The following ATP6V0D1 variants were observed in gnomAD, a reference collection of about 807,000 sequenced individuals.
ATP6V0D1 encodes ATPase H+ transporting V0 subunit d1.
ATP6V0D1 carries 13 observed loss-of-function variants against 39.0 expected under a neutral mutation model. The ratio of observed to expected loss-of-function variants is 0.33; its 90% confidence interval spans 0.22 to 0.53. The LOEUF (loss-of-function observed/expected upper bound fraction) is 0.53, where lower values mean the gene tolerates loss of function less well. ATP6V0D1 is among the 20% of genes least tolerant of loss of function. The pLI is 0.94. For missense variants in ATP6V0D1, 272 were observed against 470.9 expected, an observed-to-expected ratio of 0.58 and a Z score of 3.91; for synonymous variants, 191 against 191.2, an observed-to-expected ratio of 1.00 and a Z score of 0.01.
chr16:67,471,801 T>G (rs1482419226), intron 1 of ATP6V0D1, among the ~76,000 whole-genome samples: 1 of 151,200 alleles, frequency 6.6e-6, no homozygotes. Context: ...CCTCCCATAT[T>G]ATTATTTTTT....
At chr16:67,439,406 C>G in intron 4 of ATP6V0D1, 55 bp from the exon 5 acceptor site, 1 of 1,546,800 alleles carries the variant, frequency 6.5e-7, no homozygotes, top group Non-Finnish European at 8.9e-7. Flanking sequence ...GGAGGGCTTG[C>G]TAGGCACAAG....
chr16:67,472,283 G>T (rs1357380578), intron 1 of ATP6V0D1, among the ~76,000 whole-genome samples: 1 of 152,188 alleles, frequency 6.6e-6, no homozygotes, highest in Non-Finnish European at 1.5e-5. Flanking sequence ...CTTGTGTGGG[G>T]TCCAGGCTCT....
chr16:67,475,167 C>T (rs926038698), intron 1 of ATP6V0D1, among the ~76,000 whole-genome samples: 3 of 152,188 alleles, frequency 2.0e-5, no homozygotes, highest in Non-Finnish European at 2.9e-5. Flanking sequence ...AGGACAGAGT[C>T]CTTTCTATGG....
intron 1 of ATP6V0D1, among the ~76,000 whole-genome samples, chr16:67,466,943 C>T (rs1409769164): frequency 6.6e-6 from 1 of 152,206 alleles, no homozygotes; most frequent in African/African-American, 2.4e-5. Context: ...AGGGACAAGG[C>T]TGAAGAGGAC....
intron 1 of ATP6V0D1, among the ~76,000 whole-genome samples, chr16:67,466,174 A>T (rs1392983287): frequency 6.6e-6 from 1 of 152,148 alleles, no homozygotes; most frequent in Non-Finnish European, 1.5e-5. Context: ...GCTATGCAGG[A>T]ATGTCTCATA....
In ATP6V0D1 at chr16:67,453,558, G is replaced by A; in HGVS notation, c.288C>T (p.Phe96=). The A allele has an allele frequency of 7.4e-6, 12 of 1,614,200 alleles. No individual in the cohort carries two copies. The highest frequency in any genetic ancestry group is 1.0e-5 in the Non-Finnish European group (12 of 1,180,024). The part of the protein sequence containing the change: ...RNHAYEPLAS[F]LDFITYSYMI... ...AGCACACTCACGTAATGAAGTCTAG[G>A]AAGCTGGCGAGTGGCTCATAGGCAT... The change falls in exon 2 of 8, where the codon TTC becomes TTT. Residue 96 remains phenylalanine (F), a synonymous_variant. Coordinates refer to ENST00000290949, the MANE Select transcript of ATP6V0D1 (RefSeq NM_004691.5). The surrounding 1 kb of genome is among the most constrained non-coding windows in gnomAD (Gnocchi z 4.1).
At chr16:67,439,191 A>G (rs1178302281) in intron 5 of ATP6V0D1, 44 bp from the exon 6 acceptor site, 8 of 1,613,466 alleles carry the variant, frequency 5.0e-6, no homozygotes, top group Non-Finnish European at 6.8e-6. Flanking sequence ...AGGAAGAAGG[A>G]GGCAGTAGCC....
At chr16:67,477,017 T>C (rs1380970908) in intron 1 of ATP6V0D1, among the ~76,000 whole-genome samples, 1 of 126,590 alleles carries the variant, frequency 7.9e-6, no homozygotes, top group Non-Finnish European at 1.6e-5. Context: ...TGAGACTCTG[T>C]CTCAAATTAA....
At chr16:67,443,374 C>T (rs2041076562) in intron 3 of ATP6V0D1, 196 bp from the exon 4 acceptor site, 1 of 560,920 alleles carries the variant, frequency 1.8e-6, no homozygotes, top group South Asian at 2.4e-5. Flanking sequence ...CTGAGCTTCT[C>T]CTGCCTCCTT....
At chr16:67,441,619 T>A (rs985520193) in intron 4 of ATP6V0D1, 1 of 152,276 alleles carries the variant, frequency 6.6e-6, no homozygotes, top group Non-Finnish European at 1.5e-5. Context: ...GGCTGGCCTG[T>A]GCCCTATTAG....
rs1387837427 is a variant in ATP6V0D1 at position 67,439,059 on chromosome 16, T to G, written c.728A>C (p.His243Pro). 1.2e-6 allele frequency: 2 copies of G among 1,613,972 alleles called. No individual in the cohort carries two copies. Among genetic ancestry groups the G allele is most frequent in the East Asian group, 4.5e-5 (2 of 44,898 alleles). Residue 243 changes from histidine (H) to proline (P), a missense_variant, in exon 6 of 8, where the codon CAC becomes CCC. Transcript: ENST00000290949. ...GCCCTCAGGGTAGAGCCGCCCACAG[T>G]GTGGAAAGAGCTTGGCACGGTCCTC... is the stretch of plus-strand genomic sequence containing the variant. ...SKEDRAKLFP[H>P]CGRLYPEGLA...
At chr16:67,457,720 G>GC (rs1454097735) in intron 1 of ATP6V0D1, 1 of 1,120,808 alleles carries the variant, frequency 8.9e-7, no homozygotes, top group East Asian at 5.8e-5. Context: ...TCTTCTGCAG[G>GC]CCCCCCACTC....
At chr16:67,477,666 T>C (rs2142337316) in intron 1 of ATP6V0D1, among the ~76,000 whole-genome samples, 1 of 150,698 alleles carries the variant, frequency 6.6e-6, no homozygotes, top group Middle Eastern at 3.4e-3. Flanking sequence ...ACAGTATCCA[T>C]AATAAACAGT....
In ATP6V0D1 at chr16:67,438,473, GCACACACACACA is replaced by G. The variant is rs145078546; in HGVS notation, c.*43_*54del. The G allele has an allele frequency of 4.2e-5, 57 of 1,342,100 alleles. 1 individual carries two copies. The highest frequency in any genetic ancestry group is 1.4e-4 in the South Asian group (11 of 76,018). 83.1% of individuals were successfully genotyped at this position (1,342,100 alleles called of 1,614,324 possible). ...CATACACACACACGCACACACACGC[GCACACACACACA>G]CACACACACAAAGAGTGCAATTGAG... On this transcript the variant is annotated 3_prime_UTR_variant, in exon 8 of 8. Coordinates refer to ENST00000290949, the MANE Select transcript of ATP6V0D1 (RefSeq NM_004691.5).
chr16:67,469,223 G>A (rs568335138), intron 1 of ATP6V0D1, among the ~76,000 whole-genome samples: 116 of 152,310 alleles, frequency 7.6e-4, no homozygotes, highest in South Asian at 1.2e-3. Flanking sequence ...CAGGAGGATC[G>A]TTTCAACCTG....
At chr16:67,445,983 G>A in intron 2 of ATP6V0D1, 3 of 455,732 alleles carry the variant, frequency 6.6e-6, no homozygotes, top group Non-Finnish European at 1.3e-5. Context: ...ATAAAAGTTG[G>A]GGTGGAGGCT....
chr16:67,465,812 G>C (rs141217477), intron 1 of ATP6V0D1, among the ~76,000 whole-genome samples: 11 of 152,332 alleles, frequency 7.2e-5, no homozygotes, highest in African/African-American at 2.6e-4. Context: ...TACCTCATCT[G>C]AGAAGGCCAA....
chr16:67,467,087 A>C (rs2041336224), intron 1 of ATP6V0D1, among the ~76,000 whole-genome samples: 1 of 152,182 alleles, frequency 6.6e-6, no homozygotes, highest in Non-Finnish European at 1.5e-5. Flanking sequence ...GTGTCTAATA[A>C]AAGCAAGTGC....
In ATP6V0D1 at chr16:67,445,687, T is replaced by C. The variant is rs1461895127; in HGVS notation, c.303-981A>G. The C allele has an allele frequency of 2.1e-5, 7 of 327,208 alleles. No homozygotes were observed. In the East Asian group the frequency reaches 3.9e-4, roughly 18 times the overall value. 20.3% of individuals were successfully genotyped at this position (327,208 alleles called of 1,614,324 possible). A position where few individuals can be genotyped will look rare whatever the true frequency, so the allele number is the denominator to read the frequency against. ...CAGAAGGCCAGCTCTGTGGGGTACA[T>C]GGGCAGCAGAGGGGGCTGTGGAGCT... On this transcript the variant is annotated intron_variant, in intron 2 of 7. Transcript: ENST00000290949.
Sources: gnomAD v4.1 joint callset for allele counts (sites outside exome capture counted in the v4.1 genomes callset) on GRCh38, gnomAD v4.1.1 for gene constraint, Gnocchi (gnomAD v3.1) non-coding constraint, MANE v1.5 for transcripts, NCBI Gene and HGNC (gene_info 2026-07-23, HGNC 2026-07-21) for gene names.